SEC24D: variants seen among roughly 807,000 people sequenced by gnomAD.
SEC24D encodes SEC24 homolog D, COPII component.
In SEC24D, 69 loss-of-function variants were observed where a neutral mutation model predicts 116.9. The observed-to-expected ratio is 0.59, with a 90% CI of 0.49 to 0.72. The LOEUF is 0.72. SEC24D is among the 30% of genes least tolerant of loss of function. The pLI, the probability that SEC24D is intolerant of heterozygous loss-of-function variation, is 0.00. For missense variants in SEC24D, 1,131 were observed against 1,264.1 expected, an observed-to-expected ratio of 0.89 and a Z score of 1.60; for synonymous variants, 405 against 442.8, an observed-to-expected ratio of 0.91 and a Z score of 1.07.
At chr4:118,815,391 T>A in intron 5 of SEC24D, 60 bp downstream of exon 5, 1 of 1,575,076 alleles carries the variant, frequency 6.3e-7, no homozygotes, top group Non-Finnish European at 8.7e-7. Flanking sequence ...CAAAGCTGAT[T>A]TTCAGTTAAG....
chr4:118,834,988 G>A (rs1208589445), intron 1 of SEC24D, among the ~76,000 whole-genome samples: 1 of 152,176 alleles, frequency 6.6e-6, no homozygotes, highest in Non-Finnish European at 1.5e-5. Flanking sequence ...AAAATATTAT[G>A]AGATCATTTC....
chr4:118,732,906 G>A lies in SEC24D; in HGVS notation c.2503C>T (p.Leu835=), dbSNP rs1725767044. The A allele has an allele frequency of 6.2e-7, 1 of 1,612,702 alleles. No individual in the cohort carries two copies. Among genetic ancestry groups the A allele is most frequent in the Non-Finnish European group, 8.5e-7 (1 of 1,179,184 alleles). The change falls in exon 20 of 23, where the codon CTA becomes TTA. Residue 835 remains leucine (L), a synonymous_variant. Transcript: ENST00000280551. ...GGCAATACTTTCATGGAATCTGGTA[G>A]AATAAGCTGAAAAAGACAATTTTTT... ...ASPSAASQLI[L]PDSMKVLPVY...
intron 3 of SEC24D, 52 bp downstream of exon 3, chr4:118,824,568 G>A (rs1730519323): frequency 6.4e-7 from 1 of 1,563,940 alleles, no homozygotes; most frequent in African/African-American, 1.4e-5. Flanking sequence ...AGGTATTTCT[G>A]AAATAATTTT....
Position 118,723,420 on chromosome 4 carries a change from GA to G in SEC24D, c.*94del. 4 of 1,290,162 alleles carry G rather than the reference GA, an allele frequency of 3.1e-6. No homozygotes were observed. Among genetic ancestry groups the G allele is most frequent in the Non-Finnish European group, 4.3e-6 (4 of 934,056 alleles). The allele number at this position is 1,290,162 out of a possible 1,614,324, so 79.9% of individuals were successfully genotyped here. ...GGAAAGTTATTCTGAAAATGAGCAA[GA>G]AATCAAAACTAGCCTATTATCATCT... On this transcript the variant is annotated 3_prime_UTR_variant, in exon 23 of 23. Coordinates refer to ENST00000280551, the MANE Select transcript of SEC24D (RefSeq NM_014822.4).
chr4:118,795,277 T>C (rs955336177), intron 8 of SEC24D, among the ~76,000 whole-genome samples: 6 of 151,618 alleles, frequency 4.0e-5, no homozygotes, highest in African/African-American at 1.5e-4. Context: ...CACATAATCT[T>C]GGCTCACTGC....
intron 9 of SEC24D, 143 bp from the exon 10 acceptor site, chr4:118,765,060 T>A (rs1727577121): frequency 3.5e-6 from 2 of 564,186 alleles, no homozygotes; most frequent in Non-Finnish European, 6.3e-6. Flanking sequence ...ATACCGTAAA[T>A]ACCTACTATT....
At chr4:118,746,709 C>T (rs1046251581) in intron 13 of SEC24D, among the ~76,000 whole-genome samples, 1 of 152,098 alleles carries the variant, frequency 6.6e-6, no homozygotes, top group Non-Finnish European at 1.5e-5. Context: ...TCTCTGCCTG[C>T]AGCTGTTATT....
At chr4:118,784,808 T>C (rs1402378673) in intron 8 of SEC24D, among the ~76,000 whole-genome samples, 1 of 142,710 alleles carries the variant, frequency 7.0e-6, no homozygotes, top group African/African-American at 2.7e-5. Context: ...CTCTGTGAGA[T>C]GATATTGAGA....
intron 19 of SEC24D, among the ~76,000 whole-genome samples, chr4:118,734,918 G>A (rs768180983): frequency 1.6e-4 from 25 of 152,238 alleles, no homozygotes; most frequent in Middle Eastern, 3.4e-3. Context: ...CAGATAGATC[G>A]CCCCGATGCT....
intron 13 of SEC24D, among the ~76,000 whole-genome samples, chr4:118,746,832 G>C (rs2110449742): frequency 6.6e-6 from 1 of 152,238 alleles, no homozygotes; most frequent in Non-Finnish European, 1.5e-5. Context: ...GAGAATTCAA[G>C]GTCAGTCCTG....
chr4:118,818,193 C>T (rs1284052644), intron 3 of SEC24D, among the ~76,000 whole-genome samples: 1 of 152,182 alleles, frequency 6.6e-6, no homozygotes, highest in Non-Finnish European at 1.5e-5. Context: ...CGATTAAAGC[C>T]TGCCTGAGAG....
At chr4:118,835,014 G>A (rs140406067) in intron 1 of SEC24D, among the ~76,000 whole-genome samples, 47 of 152,226 alleles carry the variant, frequency 3.1e-4, no homozygotes, top group Middle Eastern at 3.4e-3. Flanking sequence ...CCTGGGAAGG[G>A]GAGAACTGAA....
chr4:118,765,365 T>C (rs1727595901), intron 9 of SEC24D, among the ~76,000 whole-genome samples: 2 of 152,252 alleles, frequency 1.3e-5, no homozygotes, highest in Admixed American at 1.3e-4. Flanking sequence ...TTCACCCATG[T>C]GGAGTTTGCA....
In SEC24D at chr4:118,732,892, C is replaced by A. The variant is rs750865510; in HGVS notation, c.2517G>T (p.Met839Ile). Residue 839 changes from methionine to isoleucine, a missense_variant, in exon 20 of 23, where the codon ATG (methionine) becomes ATT (isoleucine). Transcript: ENST00000280551. ...AATTCATGTACACTGGCAATACTTT[C>A]ATGGAATCTGGTAGAATAAGCTGAA... is the stretch of plus-strand genomic sequence containing the variant. ...AASQLILPDS[M>I]KVLPVYMNCL... 1.2e-5 allele frequency: 19 copies of A among 1,613,684 alleles called. No individual in the cohort carries two copies. Among genetic ancestry groups the A allele is most frequent in the Non-Finnish European group, 1.6e-5 (19 of 1,179,758 alleles).
In SEC24D at chr4:118,815,744, C is replaced by A; in HGVS notation, c.398-18G>T. 2 of 1,611,738 alleles carry A rather than the reference C, an allele frequency of 1.2e-6. No individual in the cohort carries two copies. The highest frequency in any genetic ancestry group is 1.7e-6 in the Non-Finnish European group (2 of 1,178,876). ...GCCTGAACCTGTGTGAGAAAGGAGA[C>A]CAGCCCACTTAAATACCACATTTCT... On this transcript the variant is annotated intron_variant, in intron 4 of 22. Coordinates refer to ENST00000280551, the MANE Select transcript of SEC24D (RefSeq NM_014822.4).
chr4:118,785,247 G>A (rs1728619401), intron 8 of SEC24D, among the ~76,000 whole-genome samples: 1 of 152,016 alleles, frequency 6.6e-6, no homozygotes, highest in African/African-American at 2.4e-5. Context: ...AAATTACTTG[G>A]CATCAAAATT....
intron 7 of SEC24D, among the ~76,000 whole-genome samples, chr4:118,800,318 A>G (rs1729378515): frequency 6.6e-6 from 1 of 152,198 alleles, no homozygotes; most frequent in South Asian, 2.1e-4. Context: ...CTGAGCTTAA[A>G]CAGCGATTGT....
chr4:118,755,526 A>T (rs143949813), intron 11 of SEC24D, among the ~76,000 whole-genome samples: 1 of 152,108 alleles, frequency 6.6e-6, no homozygotes, highest in Non-Finnish European at 1.5e-5. Context: ...GAAACATTCA[A>T]ATCTTTTCTT....
chr4:118,773,073 C>T (rs759901974), intron 8 of SEC24D, among the ~76,000 whole-genome samples: 3 of 152,074 alleles, frequency 2.0e-5, no homozygotes, highest in Non-Finnish European at 2.9e-5. Context: ...CCCTCTCTTT[C>T]TAACACTTAT....
Sources: allele counts gnomAD v4.1 joint callset (sites outside exome capture counted in the v4.1 genomes callset), GRCh38; gene constraint gnomAD v4.1.1; transcripts MANE v1.5; gene names NCBI Gene and HGNC (gene_info 2026-07-23, HGNC 2026-07-21).